TLE2: variants seen among roughly 807,000 people sequenced by gnomAD.
TLE2 encodes transducin-like enhancer protein 2.
TLE2 carries 74 observed loss-of-function variants against 97.2 expected under a neutral mutation model. The ratio of observed to expected loss-of-function variants is 0.76; its 90% CI spans 0.63 to 0.92. The LOEUF is 0.92. TLE2 is among the 40% of genes least tolerant of loss of function. The probability of loss-of-function intolerance (pLI) is 0.00; values close to 1 mark genes in which losing one functional copy is unlikely to be tolerated. For synonymous variants in TLE2, 499 were observed against 432.1 expected (o/e 1.15, Z -1.92); for missense variants, 1,038 against 1,008.7 (o/e 1.03, Z -0.39).
rs1423418438 is a variant in TLE2, at chr19:3,019,248, T to C, written c.550+35A>G. 17 of 1,553,360 alleles carry C rather than the reference T, an allele frequency of 1.1e-5. No individual in the cohort carries two copies. The highest frequency in any genetic ancestry group is 1.5e-5 in the Non-Finnish European group (17 of 1,157,584). On this transcript the variant is annotated intron_variant, in intron 7 of 19. Transcript: ENST00000262953. This position sits in a 1 kb window ranked among gnomAD's most constrained non-coding sequence, Gnocchi z 5.1. ...GCCAGTCGTCCTCCCCAGCCCCGTCTCCCCAGCCAATGCCACCCCGTGCTG... is the reference window on the plus strand; with the variant it reads ...GCCAGTCGTCCTCCCCAGCCCCGTCCCCCCAGCCAATGCCACCCCGTGCTG...
In TLE2 at chr19:3,025,365, G is replaced by A. The variant is rs575287410; in HGVS notation, c.232-283C>T. The A allele has an allele frequency of 1.6e-5, 20 of 1,219,030 alleles. No homozygotes were observed. The Admixed American group carries it at 1.8e-4, about 11-fold the overall frequency. 75.5% of individuals were successfully genotyped at this position (1,219,030 alleles called of 1,614,324 possible). A position where few individuals can be genotyped will look rare whatever the true frequency, so the allele number is the denominator to read the frequency against. ...TACACCACCCGCCAGACGCACACCC[G>A]CCAGGGATTTGCAGGAGGCAGACGC... On this transcript the variant is annotated intron_variant, in intron 4 of 19. Coordinates refer to ENST00000262953, the MANE Select transcript of TLE2 (RefSeq NM_003260.5).
intron 1 of TLE2, among the ~76,000 whole-genome samples, chr19:3,041,923 G>A (rs936476655): frequency 1.7e-4 from 13 of 78,044 alleles, no homozygotes; most frequent in African/African-American, 9.3e-4. Context: ...CTGCCTTTGC[G>A]GGGGGCCCCG....
At chr19:2,998,531 G>T (rs1314406688) in intron 19 of TLE2, among the ~76,000 whole-genome samples, 1 of 152,022 alleles carries the variant, frequency 6.6e-6, no homozygotes, top group Non-Finnish European at 1.5e-5. Context: ...GCCTGCCTTG[G>T]TCTCCCAAAG....
chr19:3,017,800 C>G, intron 8 of TLE2, 40 bp downstream of exon 8: 1 of 1,603,684 alleles, frequency 6.2e-7, no homozygotes, highest in Non-Finnish European at 8.5e-7. Flanking sequence ...CGTTGGCCTC[C>G]CAAGAATATA....
intron 5 of TLE2, 72 bp downstream of exon 5, chr19:3,024,948 C>T (rs533189911): frequency 3.0e-5 from 41 of 1,386,898 alleles, no homozygotes; most frequent in Non-Finnish European, 3.7e-5. Flanking sequence ...GGGGCGTCCT[C>T]GCCCAGACCT....
chr19:3,042,652 T>A (rs1378495758), intron 1 of TLE2, among the ~76,000 whole-genome samples: 2 of 148,576 alleles, frequency 1.3e-5, no homozygotes, highest in African/African-American at 5.0e-5. Context: ...CGAGGGAGAT[T>A]GTTGGATAAT....
chr19:3,025,048 G>C lies in TLE2; in HGVS notation c.266C>G (p.Ala89Gly), dbSNP rs1402419097. Residue 89 changes from alanine (A) to glycine (G), a missense_variant, in exon 5 of 20, where the codon GCT becomes GGT. Coordinates refer to ENST00000262953, the MANE Select transcript of TLE2 (RefSeq NM_003260.5). ...EIVKRLSGIC[A>G]QIIPFLTQEH... ...CTGGGTCAGGAAGGGGATAATCTGA[G>C]CGCAGATACCGCTCAGACGCTTCAC... The C allele has an allele frequency of 6.2e-7, 1 of 1,605,354 alleles. No individual in the cohort carries two copies. Among genetic ancestry groups the C allele is most frequent in the African/African-American group, 1.3e-5 (1 of 74,850 alleles).
In TLE2 at chr19:3,029,126, G is replaced by T; in HGVS notation, c.-222C>A. The T allele has an allele frequency of 9.0e-7, 1 of 1,110,916 alleles. No homozygotes were observed. Among genetic ancestry groups the T allele is most frequent in the Non-Finnish European group, 1.1e-6 (1 of 909,936 alleles). 68.8% of individuals were successfully genotyped at this position (1,110,916 alleles called of 1,614,324 possible). ...CCCCGGGTTGGGGTGCGCGGGGCGAGCGGGGCGGGCAGGGGCAGCGGCCGG... is the reference window on the plus strand; with the variant it reads ...CCCCGGGTTGGGGTGCGCGGGGCGATCGGGGCGGGCAGGGGCAGCGGCCGG... On this transcript the variant is annotated 5_prime_UTR_variant, in exon 1 of 20. Coordinates refer to ENST00000262953, the MANE Select transcript of TLE2 (RefSeq NM_003260.5).
At chr19:3,032,097 A>AT (rs1184578143), upstream of TLE2, among the ~76,000 whole-genome samples, 3 of 151,274 alleles carry the variant, frequency 2.0e-5, no homozygotes, top group Admixed American at 1.3e-4. The surrounding 1 kb of genome is among the most constrained non-coding windows in gnomAD (Gnocchi z 4.1). Context: ...TGCCCAGCTA[A>AT]TTTTTTTTGT....
intron 13 of TLE2, 96 bp from the exon 14 acceptor site, chr19:3,009,041 A>T: frequency 1.0e-6 from 1 of 959,906 alleles, no homozygotes; most frequent in Non-Finnish European, 1.5e-6. Flanking sequence ...TCTGTTTATC[A>T]CCCCTCCCCA....
chr19:3,030,166 C>T (rs1379013499), upstream of TLE2, among the ~76,000 whole-genome samples: 1 of 152,304 alleles, frequency 6.6e-6, no homozygotes, highest in African/African-American at 2.4e-5. Flanking sequence ...CAAACTTCCA[C>T]AGATGGGAAT....
rs769408769 is a variant in TLE2 at position 3,005,930 on chromosome 19, C to T, written c.1539G>A (p.Pro513=). 29 of 1,610,616 alleles carry T rather than the reference C, an allele frequency of 1.8e-5. No homozygotes were observed. In the Admixed American group the frequency reaches 2.0e-4, roughly 11 times the overall value. Residue 513 remains proline (P), a synonymous_variant, in exon 16 of 20, where the codon CCG becomes CCA. Coordinates refer to ENST00000262953, the MANE Select transcript of TLE2 (RefSeq NM_003260.5). ...DNYIRSCKLL[P]DGRSLIVGGE... ...CGCCCACGATCAGACTCCGGCCATC[C>T]GGCAGCAACTTGCAGGAACGAATGT...
chr19:3,009,027 CCTCT>C (rs1169672696), intron 13 of TLE2, 82 bp from the exon 14 acceptor site: 7 of 1,161,080 alleles, frequency 6.0e-6, no homozygotes, highest in African/African-American at 1.6e-5. Flanking sequence ...CTGCCATACC[CCTCT>C]CTGTTTATCA....
rs2089997836 is a variant in TLE2 at position 3,029,209 on chromosome 19, G to C, written c.-305C>G. On this transcript the variant is annotated 5_prime_UTR_variant, in exon 1 of 20. Transcript: ENST00000262953. ...CGGCGCAGAAGGTCGGGCGCGCCGC[G>C]GCCGGGTTTCGGTGGCGGCGGCGCG... 1 of 494,382 alleles carries C rather than the reference G, an allele frequency of 2.0e-6. No individual in the cohort carries two copies. 30.6% of individuals were successfully genotyped at this position (494,382 alleles called of 1,614,324 possible). A position where few individuals can be genotyped will look rare whatever the true frequency, so the allele number is the denominator to read the frequency against.
intron 15 of TLE2, 96 bp downstream of exon 15, chr19:3,006,324 G>GC: frequency 6.6e-7 from 1 of 1,504,216 alleles, no homozygotes; most frequent in Non-Finnish European, 8.9e-7. Context: ...TTCACCTGTA[G>GC]CCCCACCCAC....
chr19:3,006,224 A>G, intron 15 of TLE2, 196 bp downstream of exon 15: 3 of 1,009,572 alleles, frequency 3.0e-6, no homozygotes, highest in Non-Finnish European at 4.5e-6. Context: ...TTGCAAGTCC[A>G]ATTCAGATTG....
intron 8 of TLE2, among the ~76,000 whole-genome samples, chr19:3,016,127 G>T (rs980125924): frequency 1.3e-5 from 2 of 151,642 alleles, no homozygotes; most frequent in African/African-American, 4.8e-5. Flanking sequence ...ATAGAGACAG[G>T]GTTTCGCCAT....
At chr19:3,011,773 C>A (rs2089602712) in intron 11 of TLE2, among the ~76,000 whole-genome samples, 1 of 152,020 alleles carries the variant, frequency 6.6e-6, no homozygotes, top group Non-Finnish European at 1.5e-5. Flanking sequence ...TTGCTTGAAC[C>A]CGGGAGGCAG....
At chr19:3,018,975 G>A (rs2089778555) in intron 7 of TLE2, among the ~76,000 whole-genome samples, 1 of 152,000 alleles carries the variant, frequency 6.6e-6, no homozygotes, top group African/African-American at 2.4e-5. Context: ...TGTTGCTTGG[G>A]CTGGCCTCTA....
Sources: allele counts gnomAD v4.1 joint callset (sites outside exome capture counted in the v4.1 genomes callset), GRCh38; gene constraint gnomAD v4.1.1; non-coding constraint Gnocchi (gnomAD v3.1); transcripts MANE v1.5; gene names NCBI Gene and HGNC (gene_info 2026-07-23, HGNC 2026-07-21).